The following OR52K1 variants were observed in gnomAD, a reference collection of about 807,000 sequenced individuals.
OR52K1 encodes the protein olfactory receptor family 52 subfamily K member 1, also known as olfactory receptor 52K1.
OR52K1 carries 10 observed loss-of-function variants against 8.7 expected under a neutral mutation model. The ratio of observed to expected loss-of-function variants is 1.15; its 90% CI spans 0.71 to 1.95. The LOEUF is 1.95. Among genes scored for constraint, OR52K1 ranks in the 30% most tolerant of loss-of-function variants. The pLI is 0.00. For synonymous variants in OR52K1, 203 were observed against 148.5 expected, an observed-to-expected ratio of 1.37 and a Z score of -2.67; for missense variants, 431 against 397.2, an observed-to-expected ratio of 1.08 and a Z score of -0.72.
At chr11:4,485,561 A>C (rs1162094369) in intron 1 of OR52K1, among the ~76,000 whole-genome samples, 1 of 152,106 alleles carries the variant, frequency 6.6e-6, no homozygotes, top group African/African-American at 2.4e-5. Flanking sequence ...TAACCTGTCA[A>C]AAATGCCACT....
chr11:4,485,658 T>C (rs1226099706), intron 1 of OR52K1, among the ~76,000 whole-genome samples: 1 of 152,228 alleles, frequency 6.6e-6, no homozygotes, highest in Non-Finnish European at 1.5e-5. Context: ...TCTCCCTTCC[T>C]TGGATTCCTG....
In OR52K1 at chr11:4,489,224, C is replaced by G. The variant is rs757354444; in HGVS notation, c.324C>G (p.Ser108=). 1.2e-6 allele frequency: 2 copies of G among 1,614,148 alleles called. No individual in the cohort carries two copies. ...TGGTCCAGATGTTCTTCCTTCACTC[C>G]TTCTCCATCATGGAGTCAGCAGTGC... ...ACLVQMFFLH[S]FSIMESAVLL... is the part of the protein sequence containing the mutation. Residue 108 remains serine (S), a synonymous_variant, in exon 2 of 2, where the codon TCC becomes TCG. Coordinates refer to ENST00000641528, the MANE Select transcript of OR52K1 (RefSeq NM_001005171.3).
Position 4,489,761 on chromosome 11 carries a change from C to T in OR52K1, c.861C>T (p.Pro287=), listed in dbSNP as rs1353509544. The T allele has an allele frequency of 6.2e-7, 1 of 1,614,142 alleles. No homozygotes were observed. The highest frequency in any genetic ancestry group is 1.1e-5 in the South Asian group (1 of 91,084). ...LLAIFYLLFP[P]MVNPIIYGVK... is the part of the protein sequence containing the mutation. The stretch of plus-strand genomic sequence containing the variant: ...CTATTTTCTATCTCCTTTTCCCACC[C>T]ATGGTCAATCCTATCATATATGGAG... The change falls in exon 2 of 2, where the codon CCC becomes CCT. Residue 287 remains proline, a synonymous_variant. Transcript: ENST00000641528.
In OR52K1 at chr11:4,488,660, G is replaced by C. The variant is rs1010357206; in HGVS notation, c.-241G>C. 2 of 489,246 alleles carry C rather than the reference G, an allele frequency of 4.1e-6. No homozygotes were observed. 30.3% of individuals were successfully genotyped at this position (489,246 alleles called of 1,614,324 possible). A position where few individuals can be genotyped will look rare whatever the true frequency, so the allele number is the denominator to read the frequency against. The stretch of plus-strand genomic sequence containing the variant: ...TGTCTTAGAATATTAAATATCCATA[G>C]AATTGATATCCCATCTACTCAATGA... On this transcript the variant is annotated 5_prime_UTR_variant, in exon 2 of 2. Transcript: ENST00000641528.
At chr11:4,484,943 G>C (rs1341914220) in intron 1 of OR52K1, among the ~76,000 whole-genome samples, 1 of 151,738 alleles carries the variant, frequency 6.6e-6, no homozygotes, top group Non-Finnish European at 1.5e-5. Context: ...CCTCAAAAAA[G>C]TTAGCCATGT....
chr11:4,485,358 TGA>T (rs1846313463), intron 1 of OR52K1, among the ~76,000 whole-genome samples: 1 of 152,212 alleles, frequency 6.6e-6, no homozygotes, highest in Non-Finnish European at 1.5e-5. Flanking sequence ...GCTTTAAATA[TGA>T]TTTATTTTCT....
intron 1 of OR52K1, among the ~76,000 whole-genome samples, chr11:4,484,529 C>T (rs1846304850): frequency 1.3e-5 from 2 of 152,046 alleles, no homozygotes; most frequent in Non-Finnish European, 2.9e-5. Flanking sequence ...GAGAAGTAGT[C>T]ATGATTTCTG....
At chr11:4,486,957 G>A (rs1044819629) in intron 1 of OR52K1, among the ~76,000 whole-genome samples, 1 of 152,182 alleles carries the variant, frequency 6.6e-6, no homozygotes, top group African/African-American at 2.4e-5. Flanking sequence ...CGAGAAAAGT[G>A]AGTTTTAAGC....
intron 1 of OR52K1, among the ~76,000 whole-genome samples, chr11:4,485,414 C>T (rs966372021): frequency 1.3e-5 from 2 of 152,114 alleles, no homozygotes; most frequent in African/African-American, 4.8e-5. Flanking sequence ...ATCTCAAACT[C>T]ACCATGTTCA....
At chr11:4,487,341 A>T (rs1846328893) in intron 1 of OR52K1, among the ~76,000 whole-genome samples, 1 of 152,234 alleles carries the variant, frequency 6.6e-6, no homozygotes, top group Non-Finnish European at 1.5e-5. Context: ...ATACATAATC[A>T]CACTTAACCT....
At chr11:4,484,519 G>A (rs1253265792) in intron 1 of OR52K1, among the ~76,000 whole-genome samples, 1 of 152,156 alleles carries the variant, frequency 6.6e-6, no homozygotes. Flanking sequence ...AGCACAAGAA[G>A]AGAAGTAGTC....
Position 4,490,067 on chromosome 11 carries a change from T to C in OR52K1, c.*222T>C, listed in dbSNP as rs747586785. ...TAGAGGTTTGACCTTCCCATTGTCA[T>C]AGACTCATCACATGGCTAAGGAAGA... On this transcript the variant is annotated 3_prime_UTR_variant, in exon 2 of 2. Transcript: ENST00000641528. 19 of 533,550 alleles carry C rather than the reference T, an allele frequency of 3.6e-5. No individual in the cohort carries two copies. Among genetic ancestry groups the C allele is most frequent in the Non-Finnish European group, 4.0e-5 (12 of 300,098 alleles). 33.1% of individuals were successfully genotyped at this position (533,550 alleles called of 1,614,324 possible).
intron 1 of OR52K1, among the ~76,000 whole-genome samples, chr11:4,487,831 AAT>A (rs575328906): frequency 4.7e-4 from 72 of 152,224 alleles, no homozygotes; most frequent in South Asian, 6.2e-4. Flanking sequence ...ATTTTGTATA[AAT>A]ATATGTTTTA....
Position 4,490,712 on chromosome 11 carries a change from T to C in OR52K1, c.*867T>C, listed in dbSNP as rs1013510408. The C allele has an allele frequency of 1.3e-5, 2 of 152,196 alleles. No homozygotes were observed. The highest frequency in any genetic ancestry group is 4.8e-5 in the African/African-American group (2 of 41,436). The allele number at this position is 152,196 out of a possible 1,614,324, so 9.4% of individuals were successfully genotyped here. A position where few individuals can be genotyped will look rare whatever the true frequency, so the allele number is the denominator to read the frequency against. On this transcript the variant is annotated 3_prime_UTR_variant, in exon 2 of 2. Transcript: ENST00000641528. ...TTTGGTCAGTAATGGATCACCTATA[T>C]GATGGTGATTGCATAACATTATAGT...
In OR52K1 at chr11:4,493,163, G is replaced by T. The variant is rs1846393900; in HGVS notation, c.*3318G>T. On this transcript the variant is annotated 3_prime_UTR_variant, in exon 2 of 2. Coordinates refer to ENST00000641528, the MANE Select transcript of OR52K1 (RefSeq NM_001005171.3). ...GGTGTACAGGGTGGAACGTGAAAGTGAAACAGGAGCGTGACTGCTGAAGCA... is the reference window on the plus strand; with the variant it reads ...GGTGTACAGGGTGGAACGTGAAAGTTAAACAGGAGCGTGACTGCTGAAGCA... The T allele has an allele frequency of 1.3e-5, 2 of 152,320 alleles. No homozygotes were observed. Among genetic ancestry groups the T allele is most frequent in the Admixed American group, 1.3e-4 (2 of 15,292 alleles). The allele number at this position is 152,320 out of a possible 1,614,324, so 9.4% of individuals were successfully genotyped here.
In OR52K1 at chr11:4,488,774, A is replaced by G. The variant is rs1846340500; in HGVS notation, c.-127A>G. ...AGGTTATTTTGTTTAAAGTCTAGCA[A>G]TGGAAACAAGAGGTAATCTTTGCAG... is the stretch of plus-strand genomic sequence containing the variant. On this transcript the variant is annotated 5_prime_UTR_variant, in exon 2 of 2. It removes an upstream start codon present in the reference 5' UTR. Coordinates refer to ENST00000641528, the MANE Select transcript of OR52K1 (RefSeq NM_001005171.3). The G allele has an allele frequency of 1.5e-6, 1 of 687,304 alleles. No individual in the cohort carries two copies. Among genetic ancestry groups the G allele is most frequent in the Admixed American group, 2.7e-5 (1 of 37,190 alleles). The allele number at this position is 687,304 out of a possible 1,614,324, so 42.6% of individuals were successfully genotyped here. A position where few individuals can be genotyped will look rare whatever the true frequency, so the allele number is the denominator to read the frequency against.
intron 1 of OR52K1, among the ~76,000 whole-genome samples, chr11:4,484,807 A>G (rs182837018): frequency 3.4e-5 from 5 of 148,498 alleles, no homozygotes; most frequent in African/African-American, 1.3e-4. Context: ...AGCTAAAGAC[A>G]TGATACTTCT....
rs995358415 is a variant in OR52K1, at chr11:4,491,923, A to G, written c.*2078A>G. ...TGCACATGTACCTCTAACCTAAAAT[A>G]AAAGTTAAAAAGGACACTATGATAT... is the stretch of plus-strand genomic sequence containing the variant. On this transcript the variant is annotated 3_prime_UTR_variant, in exon 2 of 2. Transcript: ENST00000641528. 1.6e-4 allele frequency: 25 copies of G among 152,338 alleles called. No homozygotes were observed. The highest frequency in any genetic ancestry group is 5.8e-4 in the African/African-American group (24 of 41,580). The allele number at this position is 152,338 out of a possible 1,614,324, so 9.4% of individuals were successfully genotyped here.
At position 4,491,866 on chromosome 11, in the gene OR52K1, C is replaced by A. The variant is rs1012289278; in HGVS notation, c.*2021C>A. 10 of 152,100 alleles carry A rather than the reference C, an allele frequency of 6.6e-5. No homozygotes were observed. Among genetic ancestry groups the A allele is most frequent in the Non-Finnish European group, 1.3e-4 (9 of 68,026 alleles). 9.4% of individuals were successfully genotyped at this position (152,100 alleles called of 1,614,324 possible). Reference sequence around the variant, plus strand: ...GATTAAAGAACTTGTACAACAAACTCCCGTGACACAAGTTTATTTATATAA... The same window carrying A: ...GATTAAAGAACTTGTACAACAAACTACCGTGACACAAGTTTATTTATATAA... On this transcript the variant is annotated 3_prime_UTR_variant, in exon 2 of 2. Coordinates refer to ENST00000641528, the MANE Select transcript of OR52K1 (RefSeq NM_001005171.3).
Sources: allele counts gnomAD v4.1 joint callset (sites outside exome capture counted in the v4.1 genomes callset), GRCh38; gene constraint gnomAD v4.1.1; transcripts MANE v1.5; gene names NCBI Gene and HGNC (gene_info 2026-07-23, HGNC 2026-07-21).